The following AKAP7 variants were observed in gnomAD, a reference collection of about 807,000 sequenced individuals.
The protein encoded by AKAP7 is A-kinase anchoring protein 7, also known as A kinase (PRKA) anchor protein 7.
AKAP7 carries 39 observed loss-of-function variants against 39.5 expected under a neutral mutation model. The observed-to-expected ratio is 0.99, with a 90% CI of 0.76 to 1.29. The LOEUF is 1.29. AKAP7 is among the 50% of genes most tolerant of loss of function. The pLI, the probability that AKAP7 is intolerant of heterozygous loss-of-function variation, is 0.00. For synonymous variants in AKAP7, 140 were observed against 139.1 expected (o/e 1.01, Z -0.05); for missense variants, 414 against 407.7 (o/e 1.02, Z -0.13).
intron 7 of AKAP7, among the ~76,000 whole-genome samples, chr6:131,223,573 A>C (rs1230076350): frequency 6.6e-6 from 1 of 152,218 alleles, no homozygotes; most frequent in Non-Finnish European, 1.5e-5. Flanking sequence ...GCTGTCTTCC[A>C]TCCAAGTTTT....
rs1188879129 is a variant in AKAP7 at position 131,224,322 on chromosome 6, C to T, written c.850+4514C>T. ...TCTTAATCAGATTTAATTGGCCTAC[C>T]TTGGTTTGGCTTCTCTTTGATTTGA... is the stretch of plus-strand genomic sequence containing the variant. On this transcript the variant is annotated intron_variant, in intron 7 of 7. Coordinates refer to ENST00000431975, the MANE Select transcript of AKAP7 (RefSeq NM_016377.4). Among the ~76,000 whole-genome samples, 3 of 152,124 alleles carry T rather than the reference C, an allele frequency of 2.0e-5. No homozygotes were observed. The East Asian group carries it at 5.8e-4, about 29-fold the overall frequency.
chr6:131,236,595 T>C (rs1371797379), intron 7 of AKAP7, among the ~76,000 whole-genome samples: 1 of 152,218 alleles, frequency 6.6e-6, no homozygotes, highest in Admixed American at 6.5e-5. Context: ...CAGTAGTTTG[T>C]AGTTCTCCTT....
rs375813479 is a variant in AKAP7, at chr6:131,191,306, C to A, written c.590-8155C>A. Reference sequence around the variant, plus strand: ...TTCTTTTAAAACAGTTGTGAATATGCCAAAATAGAGAGGGTCAAAGTTGGG... The same window carrying A: ...TTCTTTTAAAACAGTTGTGAATATGACAAAATAGAGAGGGTCAAAGTTGGG... On this transcript the variant is annotated intron_variant, in intron 5 of 7. Transcript: ENST00000431975. 2.6e-4 allele frequency among the ~76,000 whole-genome samples: 39 copies of A among 152,124 alleles called. No individual in the cohort carries two copies. The South Asian group carries it at 5.0e-3, about 19-fold the overall frequency.
At chr6:131,140,302 G>A (rs1048070237) in intron 1 of AKAP7, among the ~76,000 whole-genome samples, 5 of 151,874 alleles carry the variant, frequency 3.3e-5, no homozygotes, top group Admixed American at 1.3e-4. Context: ...TGATTCTAAT[G>A]TGCAGTTACT....
chr6:131,241,909 G>C (rs1170091595), intron 7 of AKAP7: 5 of 328,798 alleles, frequency 1.5e-5, no homozygotes, highest in Non-Finnish European at 2.2e-5. Flanking sequence ...GTCTCTGTGT[G>C]ATTCAAGATT....
At chr6:131,176,426 A>G (rs1804587706) in intron 5 of AKAP7, among the ~76,000 whole-genome samples, 1 of 152,158 alleles carries the variant, frequency 6.6e-6, no homozygotes, top group Non-Finnish European at 1.5e-5. Flanking sequence ...TGCATTGAAA[A>G]GCTTTTTGCA....
At chr6:131,186,631 G>C (rs80029420) in intron 5 of AKAP7, among the ~76,000 whole-genome samples, 1 of 152,280 alleles carries the variant, frequency 6.6e-6, no homozygotes, top group Non-Finnish European at 1.5e-5. Context: ...AGAAGATTTA[G>C]TGTTTGGAGA....
chr6:131,163,684 G>T (rs1803204739), intron 3 of AKAP7, among the ~76,000 whole-genome samples: 1 of 152,114 alleles, frequency 6.6e-6, no homozygotes, highest in Non-Finnish European at 1.5e-5. Flanking sequence ...AAGTGGATTA[G>T]GATGGCTGCA....
At chr6:131,132,974 C>T (rs1405067568), upstream of AKAP7, among the ~76,000 whole-genome samples, 1 of 152,100 alleles carries the variant, frequency 6.6e-6, no homozygotes, top group Non-Finnish European at 1.5e-5. Flanking sequence ...TATTTCGGTC[C>T]ACATTAACCT....
chr6:131,181,257 T>C (rs1421824119), intron 5 of AKAP7, among the ~76,000 whole-genome samples: 1 of 152,168 alleles, frequency 6.6e-6, no homozygotes, highest in Admixed American at 6.5e-5. Flanking sequence ...TTTTTGTATT[T>C]ACCATCATGG....
intron 5 of AKAP7, chr6:131,184,623 C>A: frequency 1.3e-6 from 1 of 751,462 alleles, no homozygotes; most frequent in South Asian, 1.4e-5. Flanking sequence ...AACAGGACAC[C>A]ACCTCCTCAG....
intron 2 of AKAP7, among the ~76,000 whole-genome samples, chr6:131,147,450 A>G (rs992124414): frequency 2.0e-5 from 3 of 152,186 alleles, no homozygotes; most frequent in African/African-American, 7.2e-5. Context: ...ATTTTCCTTT[A>G]CAACTGCCCC....
chr6:131,170,152 TG>T (rs1459241220), intron 5 of AKAP7, among the ~76,000 whole-genome samples: 55 of 41,240 alleles, frequency 1.3e-3, no homozygotes, highest in African/African-American at 5.4e-3. Context: ...TGTTGTGGGG[TG>T]GGGGGAGGGG....
At chr6:131,193,101 G>A (rs1428288259) in intron 5 of AKAP7, among the ~76,000 whole-genome samples, 3 of 151,986 alleles carry the variant, frequency 2.0e-5, no homozygotes, top group Non-Finnish European at 4.4e-5. Flanking sequence ...GCTCTAGCTA[G>A]GACTTCTATT....
At chr6:131,253,111 A>G (rs754563085) in intron 7 of AKAP7, 4 of 1,612,102 alleles carry the variant, frequency 2.5e-6, no homozygotes, top group Non-Finnish European at 3.4e-6. Flanking sequence ...AAGTGGTAAG[A>G]GTCAAGTGAC....
chr6:131,232,559 C>A (rs2128306718), intron 7 of AKAP7, among the ~76,000 whole-genome samples: 1 of 152,230 alleles, frequency 6.6e-6, no homozygotes. Flanking sequence ...CGGCCGGTGG[C>A]TCACACCTGT....
chr6:131,136,715 A>G (rs1329933665), intron 1 of AKAP7: 2 of 266,236 alleles, frequency 7.5e-6, no homozygotes, highest in Non-Finnish European at 1.2e-5. Flanking sequence ...GACACTATTA[A>G]CTTGTTTTGT....
At chr6:131,271,982 TGA>T (rs1374592360) in intron 7 of AKAP7, among the ~76,000 whole-genome samples, 1 of 152,176 alleles carries the variant, frequency 6.6e-6, no homozygotes, top group Non-Finnish European at 1.5e-5. Flanking sequence ...CAGGGATCTG[TGA>T]GAGACTTGAT....
intron 7 of AKAP7, among the ~76,000 whole-genome samples, chr6:131,231,361 G>A (rs907054510): frequency 1.3e-4 from 20 of 150,552 alleles, no homozygotes; most frequent in East Asian, 5.8e-4. Flanking sequence ...AAACATTTGC[G>A]TTTTTTTTTC....
Sources: gnomAD v4.1 joint callset for allele counts (sites outside exome capture counted in the v4.1 genomes callset) on GRCh38, gnomAD v4.1.1 for gene constraint, MANE v1.5 for transcripts, NCBI Gene and HGNC (gene_info 2026-07-23, HGNC 2026-07-21) for gene names.